The following CAB39 variants were observed in gnomAD, a reference collection of about 807,000 sequenced individuals.
CAB39 encodes the protein calcium binding protein 39, also known as calcium-binding protein 39.
CAB39 carries 8 observed loss-of-function variants against 40.0 expected under a neutral mutation model. That is an observed-to-expected ratio of 0.20 (90% CI 0.12 to 0.36). The LOEUF (loss-of-function observed/expected upper bound fraction) is 0.36. Ranked by LOEUF, CAB39 falls within the 10% of genes least tolerant of loss-of-function variation. The pLI is 1.00. For synonymous variants in CAB39, 156 were observed against 141.6 expected (o/e 1.10, Z -0.72); for missense variants, 270 against 401.1 (o/e 0.67, Z 2.79).
chr2:230,756,661 G>GTTTGTTTA (rs759319132), intron 1 of CAB39, among the ~76,000 whole-genome samples: 50 of 95,392 alleles, frequency 5.2e-4, no homozygotes, highest in Non-Finnish European at 6.5e-4. Flanking sequence ...CTAACTGTTT[G>GTTTGTTTA]TTTATTTATT....
chr2:230,762,837 A>G (rs1695318940), intron 2 of CAB39, among the ~76,000 whole-genome samples: 1 of 152,240 alleles, frequency 6.6e-6, no homozygotes, highest in Non-Finnish European at 1.5e-5. Context: ...TAATTAAGAA[A>G]GCTGGACAGT....
At chr2:230,808,943 A>G (rs949213112) in intron 5 of CAB39, among the ~76,000 whole-genome samples, 3 of 152,240 alleles carry the variant, frequency 2.0e-5, no homozygotes, top group African/African-American at 7.2e-5. Flanking sequence ...AAGGTTAATG[A>G]AAACAGACAC....
At chr2:230,754,016 T>C (rs1695136231) in intron 1 of CAB39, among the ~76,000 whole-genome samples, 1 of 152,174 alleles carries the variant, frequency 6.6e-6, no homozygotes, top group Non-Finnish European at 1.5e-5. Flanking sequence ...AATGTGATAA[T>C]CTGACTTAGA....
chr2:230,772,108 A>T (rs1695492259), intron 2 of CAB39, among the ~76,000 whole-genome samples: 1 of 152,260 alleles, frequency 6.6e-6, no homozygotes. Flanking sequence ...TCTTCAGAAG[A>T]CACTGTTAGA....
At chr2:230,739,265 A>G (rs1008092705) in intron 1 of CAB39, among the ~76,000 whole-genome samples, 1 of 152,232 alleles carries the variant, frequency 6.6e-6, no homozygotes, top group Non-Finnish European at 1.5e-5. Flanking sequence ...GTATTTTAAA[A>G]TACAGTGCTA....
chr2:230,795,633 A>AGTCT (rs1474038445), intron 4 of CAB39, among the ~76,000 whole-genome samples: 4 of 152,182 alleles, frequency 2.6e-5, no homozygotes, highest in African/African-American at 9.7e-5. Flanking sequence ...AGGTGTCCTC[A>AGTCT]GTCTGTAATC....
intron 1 of CAB39, among the ~76,000 whole-genome samples, chr2:230,726,441 G>T (rs1694573621): frequency 6.6e-6 from 1 of 151,952 alleles, no homozygotes; most frequent in Admixed American, 6.6e-5. Flanking sequence ...CAAAGTGCTG[G>T]GATTACAGGC....
At chr2:230,785,857 G>GTT (rs529689654) in intron 2 of CAB39, among the ~76,000 whole-genome samples, 1 of 147,900 alleles carries the variant, frequency 6.8e-6, no homozygotes. Flanking sequence ...TAACTTTTGT[G>GTT]TTTTTTTTTT....
intron 1 of CAB39, among the ~76,000 whole-genome samples, chr2:230,741,811 A>G (rs1406252764): frequency 1.3e-5 from 2 of 152,244 alleles, no homozygotes; most frequent in African/African-American, 2.4e-5. Flanking sequence ...TATAGTTACC[A>G]TATAAAGAAT....
intron 1 of CAB39, chr2:230,713,791 A>C (rs1694297934): frequency 1.3e-5 from 2 of 152,318 alleles, no homozygotes; most frequent in Non-Finnish European, 2.9e-5. Context: ...CCCGCACCGG[A>C]GGGATTCAAA....
chr2:230,782,994 T>TTTTGTTTTTGTC (rs1376552076), intron 2 of CAB39, among the ~76,000 whole-genome samples: 3 of 151,322 alleles, frequency 2.0e-5, no homozygotes, highest in African/African-American at 7.3e-5. Flanking sequence ...TTGTTTTTGT[T>TTTTGTTTTTGTC]TTTGTTTTTG....
At chr2:230,797,520 G>A (rs1335870763) in intron 4 of CAB39, among the ~76,000 whole-genome samples, 1 of 151,318 alleles carries the variant, frequency 6.6e-6, no homozygotes, top group East Asian at 1.9e-4. Context: ...AAATGAGGAA[G>A]CAGGGGGGTG....
chr2:230,773,711 C>T (rs961254541), intron 2 of CAB39, among the ~76,000 whole-genome samples: 6 of 152,124 alleles, frequency 3.9e-5, no homozygotes, highest in Non-Finnish European at 7.4e-5. Flanking sequence ...TGTTGTAGGG[C>T]GGATTTGCTC....
At chr2:230,765,395 CAT>C (rs1203721735) in intron 2 of CAB39, among the ~76,000 whole-genome samples, 2 of 152,058 alleles carry the variant, frequency 1.3e-5, no homozygotes, top group Non-Finnish European at 2.9e-5. Flanking sequence ...GGAGGAAGCA[CAT>C]GTCTTATGAA....
At position 230,818,514 on chromosome 2, in the gene CAB39, A is replaced by G. The variant is rs750995179; in HGVS notation, c.838-2A>G. Reference sequence around the variant, plus strand: ...GCCTCATGTGCGTTTCTCTCCACGCAGGTGTTTGTAGCCAATCCTAACAAG... The same window carrying G: ...GCCTCATGTGCGTTTCTCTCCACGCGGGTGTTTGTAGCCAATCCTAACAAG... On this transcript the variant is annotated splice_acceptor_variant, in intron 8 of 8. Transcript: ENST00000258418. LOFTEE classifies it high-confidence loss of function. The G allele has an allele frequency of 6.2e-7, 1 of 1,613,142 alleles. No individual in the cohort carries two copies. The highest frequency in any genetic ancestry group is 8.5e-7 in the Non-Finnish European group (1 of 1,179,476).
At chr2:230,730,832 G>A (rs553712767) in intron 1 of CAB39, among the ~76,000 whole-genome samples, 86 of 152,284 alleles carry the variant, frequency 5.6e-4, no homozygotes, top group African/African-American at 2.0e-3. Context: ...TAAGAAAAAT[G>A]TGTGAAAAAA....
intron 1 of CAB39, among the ~76,000 whole-genome samples, chr2:230,735,565 G>T (rs1314450872): frequency 6.6e-6 from 1 of 152,184 alleles, no homozygotes; most frequent in Non-Finnish European, 1.5e-5. Context: ...CCAGGCTGGA[G>T]TGCAGTGGTG....
intron 1 of CAB39, among the ~76,000 whole-genome samples, chr2:230,727,976 C>T (rs1694616794): frequency 6.6e-6 from 1 of 152,092 alleles, no homozygotes. Context: ...TGGTGGCTCA[C>T]GCCTGGAATC....
In CAB39 at chr2:230,810,278, C is replaced by T. The variant is rs769717189; in HGVS notation, c.583C>T (p.His195Tyr). 2.8e-6 allele frequency: 4 copies of T among 1,445,606 alleles called. No individual in the cohort carries two copies. The highest frequency in any genetic ancestry group is 2.4e-5 in the East Asian group (1 of 41,850). The allele number at this position is 1,445,606 out of a possible 1,614,324, so 89.5% of individuals were successfully genotyped here. Residue 195 changes from histidine to tyrosine, a missense_variant, in exon 6 of 9, where the codon CAT (histidine) becomes TAT (tyrosine). His to Tyr is a moderately conservative substitution (Grantham distance 83, BLOSUM62 2). Coordinates refer to ENST00000258418, the MANE Select transcript of CAB39 (RefSeq NM_016289.4). ...CTTTTTGTAGGATTTACTTACAAGA[C>T]ATAAATTGCTCAGTGCAGAATTTTT... Reference protein sequence around the residue: ...FATFKDLLTRHKLLSAEFLEQ... With the variant: ...FATFKDLLTRYKLLSAEFLEQ...
Sources: allele counts gnomAD v4.1 joint callset (sites outside exome capture counted in the v4.1 genomes callset), GRCh38; gene constraint gnomAD v4.1.1; transcripts MANE v1.5; gene names NCBI Gene and HGNC (gene_info 2026-07-23, HGNC 2026-07-21).